CAPN5: variants seen among roughly 807,000 people sequenced by gnomAD.
CAPN5 encodes calpain 5, also known as calpain-5.
CAPN5 carries 54 observed loss-of-function variants against 73.0 expected under a neutral mutation model. That is an observed-to-expected ratio of 0.74 (90% CI 0.59 to 0.93). CAPN5 has a LOEUF of 0.93. CAPN5 is among the 40% of genes least tolerant of loss of function. The pLI is 0.00. For synonymous variants in CAPN5, 335 were observed against 356.9 expected (o/e 0.94, Z 0.69); for missense variants, 785 against 882.9 (o/e 0.89, Z 1.41).
At chr11:77,094,416 G>A (rs782108745) in intron 3 of CAPN5, among the ~76,000 whole-genome samples, 1 of 152,158 alleles carries the variant, frequency 6.6e-6, no homozygotes, top group Non-Finnish European at 1.5e-5. Context: ...CAAAGGGTTT[G>A]GGTTGGAAAG....
chr11:77,087,931 G>T (rs1555035813), intron 2 of CAPN5: 2 of 1,536,030 alleles, frequency 1.3e-6, no homozygotes, highest in South Asian at 2.4e-5. Flanking sequence ...CTATGTTTTT[G>T]TTCTTTCCAG....
chr11:77,118,047 G>GT, intron 7 of CAPN5, 110 bp from the exon 8 acceptor site: 1 of 967,182 alleles, frequency 1.0e-6, no homozygotes, highest in South Asian at 1.6e-5. Context: ...AAAGCCAGCT[G>GT]TGTTCTCTCA....
chr11:77,069,060 C>A (rs1225926593), intron 1 of CAPN5, among the ~76,000 whole-genome samples: 1 of 152,172 alleles, frequency 6.6e-6, no homozygotes, highest in Non-Finnish European at 1.5e-5. Flanking sequence ...GCCTCCTGCG[C>A]CCTCAGTGGG....
intron 3 of CAPN5, among the ~76,000 whole-genome samples, chr11:77,096,472 C>T (rs375736707): frequency 2.0e-5 from 3 of 152,200 alleles, no homozygotes; most frequent in Non-Finnish European, 2.9e-5. Context: ...CCCCAGCCCC[C>T]TCTTAGATGG....
Position 77,124,941 on chromosome 11 carries a change from GC to G in CAPN5, c.*1074del. The G allele has an allele frequency of 6.5e-6, 1 of 154,730 alleles. No individual in the cohort carries two copies. Among genetic ancestry groups the G allele is most frequent in the Non-Finnish European group, 1.5e-5 (1 of 68,596 alleles). The allele number at this position is 154,730 out of a possible 1,614,324, so 9.6% of individuals were successfully genotyped here. A position where few individuals can be genotyped will look rare whatever the true frequency, so the allele number is the denominator to read the frequency against. On this transcript the variant is annotated 3_prime_UTR_variant, in exon 13 of 13. Transcript: ENST00000648180. ...AGGAGGCCGCAGTGCTCTTCTTCCT[GC>G]CCAGACCAAAATGTTCCTTTTAGTC...
intron 2 of CAPN5, among the ~76,000 whole-genome samples, 193 bp from the exon 3 acceptor site, chr11:77,093,489 G>A (rs543359758): frequency 2.6e-5 from 4 of 152,326 alleles, no homozygotes; most frequent in East Asian, 1.9e-4. Context: ...GCAGGACCGC[G>A]GGGTGGGGGG....
chr11:77,085,917 T>C (rs1307962210), intron 2 of CAPN5, among the ~76,000 whole-genome samples: 2 of 152,186 alleles, frequency 1.3e-5, no homozygotes, highest in East Asian at 3.8e-4. Context: ...ACCATGCTGC[T>C]GTCTCAAGGA....
intron 1 of CAPN5, among the ~76,000 whole-genome samples, chr11:77,081,825 G>A (rs1237765221): frequency 6.6e-6 from 1 of 152,164 alleles, no homozygotes; most frequent in Non-Finnish European, 1.5e-5. Flanking sequence ...TCCCCAGGGT[G>A]AAGGGGTGGG....
At chr11:77,099,585 G>A (rs1555038355) in intron 3 of CAPN5, among the ~76,000 whole-genome samples, 3 of 151,740 alleles carry the variant, frequency 2.0e-5, no homozygotes, top group Non-Finnish European at 1.5e-5. Flanking sequence ...CAGGCGTGGT[G>A]GCGCGTGCCT....
intron 1 of CAPN5, among the ~76,000 whole-genome samples, chr11:77,084,209 A>G (rs1232911492): frequency 1.3e-5 from 2 of 152,080 alleles, no homozygotes; most frequent in African/African-American, 4.8e-5. Context: ...TGGTCAGCAC[A>G]TTGGTGCAAA....
intron 1 of CAPN5, among the ~76,000 whole-genome samples, chr11:77,072,549 G>A (rs1175470197): frequency 6.6e-6 from 1 of 152,218 alleles, no homozygotes; most frequent in Non-Finnish European, 1.5e-5. Context: ...GGGAGGGGTG[G>A]TGGGCCAGGC....
intron 1 of CAPN5, among the ~76,000 whole-genome samples, chr11:77,083,402 G>A (rs1413436150): frequency 1.3e-5 from 2 of 152,180 alleles, no homozygotes; most frequent in Non-Finnish European, 2.9e-5. Context: ...ACGGTGTGTG[G>A]GGAGACCCTA....
At chr11:77,082,027 T>G (rs899718333) in intron 1 of CAPN5, among the ~76,000 whole-genome samples, 6 of 152,020 alleles carry the variant, frequency 3.9e-5, no homozygotes, top group Non-Finnish European at 7.4e-5. Flanking sequence ...AGAGAGGAGC[T>G]GGACACAGCC....
rs530318979 is a variant in CAPN5, at chr11:77,108,600, C to G, written c.298-3989C>G. ...AGCGAGCACAGCCTGATGGACTCCT[C>G]GCACCCATCCCTTCACTTTGACACT... On this transcript the variant is annotated intron_variant, in intron 3 of 12. Coordinates refer to ENST00000648180, the MANE Select transcript of CAPN5 (RefSeq NM_004055.5). Among the ~76,000 whole-genome samples, 10 of 152,178 alleles carry G rather than the reference C, an allele frequency of 6.6e-5. No individual in the cohort carries two copies. In the East Asian group the frequency reaches 1.7e-3, roughly 26 times the overall value.
chr11:77,087,832 A>G (rs1442822972), intron 2 of CAPN5: 2 of 1,440,312 alleles, frequency 1.4e-6, no homozygotes, highest in Non-Finnish European at 1.9e-6. Flanking sequence ...CCCATCTCCT[A>G]TTGACTCTGC....
At chr11:77,113,681 T>C (rs1352469154) in intron 4 of CAPN5, among the ~76,000 whole-genome samples, 2 of 151,920 alleles carry the variant, frequency 1.3e-5, no homozygotes, top group East Asian at 3.9e-4. Context: ...CTTTCAATCC[T>C]AAGAAAGGAA....
Position 77,099,505 on chromosome 11 carries a change from A to T in CAPN5, c.297+5692A>T, listed in dbSNP as rs1413948391. Among the ~76,000 whole-genome samples, 101 of 150,830 alleles carry T rather than the reference A, an allele frequency of 6.7e-4. 1 individual carries two copies. In the East Asian group the frequency reaches 0.019, roughly 28 times the overall value. On this transcript the variant is annotated intron_variant, in intron 3 of 12. Transcript: ENST00000648180. ...CACCTCGGGAGGCCAAGGCTGGCGG[A>T]TCACTCGCGGTTAGGGGCTGGAGAC...
At chr11:77,092,238 A>C (rs1950155532) in intron 2 of CAPN5, among the ~76,000 whole-genome samples, 1 of 152,182 alleles carries the variant, frequency 6.6e-6, no homozygotes, top group South Asian at 2.1e-4. Context: ...ACAAAAACAA[A>C]AAACCCCAAA....
At chr11:77,099,561 C>A (rs1472265322) in intron 3 of CAPN5, among the ~76,000 whole-genome samples, 1 of 151,894 alleles carries the variant, frequency 6.6e-6, no homozygotes, top group African/African-American at 2.4e-5. Flanking sequence ...AACCCCGTCT[C>A]CACCAAAACC....
Sources: allele counts gnomAD v4.1 joint callset (sites outside exome capture counted in the v4.1 genomes callset), GRCh38; gene constraint gnomAD v4.1.1; transcripts MANE v1.5; gene names NCBI Gene and HGNC (gene_info 2026-07-23, HGNC 2026-07-21).